Variants in VPS13B observed in about 807,000 individuals in gnomAD.
VPS13B encodes the protein vacuolar protein sorting 13 homolog B.
Under a neutral mutation model 426.4 loss-of-function variants are expected in VPS13B, and 285 were observed. The ratio of observed to expected loss-of-function variants is 0.67; its 90% CI spans 0.61 to 0.74. The LOEUF (loss-of-function observed/expected upper bound fraction) is 0.74, where lower values mean the gene tolerates loss of function less well. VPS13B is among the 30% of genes least tolerant of loss of function. The pLI is 0.00. For missense variants in VPS13B, 4,537 were observed against 4,782.6 expected, an observed-to-expected ratio of 0.95 and a Z score of 1.51; for synonymous variants, 1,676 against 1,676.4, an observed-to-expected ratio of 1.00 and a Z score of 0.01.
intron 3 of VPS13B, among the ~76,000 whole-genome samples, chr8:99,059,518 T>A (rs1021472949): frequency 1.8e-4 from 28 of 152,090 alleles, no homozygotes; most frequent in Admixed American, 1.8e-3. Flanking sequence ...TGATACAGTC[T>A]GCCCTCTGTA....
intron 23 of VPS13B, among the ~76,000 whole-genome samples, chr8:99,458,370 A>G (rs900934736): frequency 1.4e-5 from 2 of 138,816 alleles, no homozygotes; most frequent in African/African-American, 2.9e-5. Flanking sequence ...TAGTGCCGCT[A>G]TAAACATACG....
At position 99,875,538 on chromosome 8, in the gene VPS13B, G is replaced by C; in HGVS notation, c.11866G>C (p.Val3956Leu). The change falls in exon 62 of 62, where the codon GTG (valine) becomes CTG (leucine). Residue 3956 changes from valine to leucine, a missense_variant. Val to Leu is a conservative substitution (Grantham distance 32). Coordinates refer to ENST00000357162, the MANE Select transcript of VPS13B (RefSeq NM_152564.5). The part of the protein sequence containing the change: ...CSSMQIPCPV[V>L]AAEPPPSTVK... The stretch of plus-strand genomic sequence containing the variant: ...TTCCATGCAAATACCATGCCCTGTG[G>C]TGGCTGCAGAACCTCCCCCCTCCAC... The C allele has an allele frequency of 6.2e-7, 1 of 1,614,056 alleles. No individual in the cohort carries two copies. The highest frequency in any genetic ancestry group is 8.5e-7 in the Non-Finnish European group (1 of 1,179,952).
rs373788214 is a variant in VPS13B, at chr8:99,051,100, G to A, written c.291+12534G>A. On this transcript the variant is annotated intron_variant, in intron 3 of 61. Coordinates refer to ENST00000357162, the MANE Select transcript of VPS13B (RefSeq NM_152564.5). ...TTTTGGTGTTTTAGACATGAAGTCCGTGCCCATGCCTATGTCCTGAATGGT... is the reference window on the plus strand; with the variant it reads ...TTTTGGTGTTTTAGACATGAAGTCCATGCCCATGCCTATGTCCTGAATGGT... Among the ~76,000 whole-genome samples the A allele has an allele frequency of 5.7e-3, 870 of 152,082 alleles. 8 individuals carry two copies. The highest frequency in any genetic ancestry group is 0.019 in the African/African-American group (794 of 41,468).
chr8:99,584,604 A>G (rs1826219818), intron 33 of VPS13B, among the ~76,000 whole-genome samples: 1 of 152,190 alleles, frequency 6.6e-6, no homozygotes. Flanking sequence ...TAAAGCATAG[A>G]CAAATGGAAT....
Position 99,384,276 on chromosome 8 carries a change from A to T in VPS13B, c.2893A>T (p.Ile965Phe). 1 of 1,614,026 alleles carries T rather than the reference A, an allele frequency of 6.2e-7. No homozygotes were observed. Among genetic ancestry groups the T allele is most frequent in the Non-Finnish European group, 8.5e-7 (1 of 1,179,952 alleles). Reference sequence around the variant, plus strand: ...TGACCCAATCTTATATACGTGGCTCATCTATCAGCCTCAGAAACGAACAAG... The same window carrying T: ...TGACCCAATCTTATATACGTGGCTCTTCTATCAGCCTCAGAAACGAACAAG... ...NIDPILYTWL[I>F]YQPQKRTSRH... Residue 965 changes from isoleucine to phenylalanine, a missense_variant, in exon 20 of 62, where the codon ATC becomes TTC. Transcript: ENST00000357162.
intron 19 of VPS13B, among the ~76,000 whole-genome samples, chr8:99,358,140 G>A (rs1353635837): frequency 6.6e-6 from 1 of 152,116 alleles, no homozygotes; most frequent in Non-Finnish European, 1.5e-5. Context: ...CATCCCTCAT[G>A]TCTGTCTGAC....
At chr8:99,435,943 G>A (rs1350665660) in intron 22 of VPS13B, among the ~76,000 whole-genome samples, 1 of 152,154 alleles carries the variant, frequency 6.6e-6, no homozygotes, top group Non-Finnish European at 1.5e-5. Flanking sequence ...TATAATTTTA[G>A]GAGTTATCTG....
At chr8:99,328,189 A>G (rs1810380113) in intron 19 of VPS13B, among the ~76,000 whole-genome samples, 1 of 152,278 alleles carries the variant, frequency 6.6e-6, no homozygotes, top group South Asian at 2.1e-4. Context: ...CACGCTCCTC[A>G]TGAGAATCTA....
chr8:99,713,533 C>T (rs897205927), intron 36 of VPS13B, among the ~76,000 whole-genome samples: 16 of 152,114 alleles, frequency 1.1e-4, no homozygotes, highest in African/African-American at 3.6e-4. Flanking sequence ...TGGATTTGAA[C>T]CTGAGGTATC....
At chr8:99,568,393 C>A (rs151137221) in intron 31 of VPS13B, among the ~76,000 whole-genome samples, 1 of 151,514 alleles carries the variant, frequency 6.6e-6, no homozygotes, top group Admixed American at 6.6e-5. Flanking sequence ...CGGGTTCAAG[C>A]GATTCTCTTG....
intron 19 of VPS13B, among the ~76,000 whole-genome samples, chr8:99,343,615 T>C (rs1811370486): frequency 6.6e-6 from 1 of 152,192 alleles, no homozygotes; most frequent in Admixed American, 6.5e-5. Flanking sequence ...AAAATCAACG[T>C]ACAAAATTAG....
chr8:99,284,511 T>C (rs1323188646), intron 19 of VPS13B, among the ~76,000 whole-genome samples: 15 of 152,196 alleles, frequency 9.9e-5, no homozygotes, highest in Non-Finnish European at 1.5e-5. Flanking sequence ...TCATCCATTA[T>C]AAATTATGTT....
chr8:99,848,774 A>G lies in VPS13B; in HGVS notation c.9943-2A>G, dbSNP rs1816111137. ...ATCAGATTTTGAATATTCTTTCTGC[A>G]GGTTGTGTTCCTGACTGGCTTTGGC... is the stretch of plus-strand genomic sequence containing the variant. On this transcript the variant is annotated splice_acceptor_variant, in intron 54 of 61. Coordinates refer to ENST00000357162, the MANE Select transcript of VPS13B (RefSeq NM_152564.5). LOFTEE classifies it high-confidence loss of function. 6.2e-7 allele frequency: 1 copy of G among 1,613,660 alleles called. No homozygotes were observed. Among genetic ancestry groups the G allele is most frequent in the Non-Finnish European group, 8.5e-7 (1 of 1,179,588 alleles).
chr8:99,662,614 T>G (rs1830281395), intron 35 of VPS13B, among the ~76,000 whole-genome samples: 2 of 151,786 alleles, frequency 1.3e-5, no homozygotes, highest in Non-Finnish European at 2.9e-5. Flanking sequence ...GCCCAACTAG[T>G]TTTTTTTATT....
At chr8:99,225,446 T>C (rs1442211091) in intron 17 of VPS13B, among the ~76,000 whole-genome samples, 1 of 151,994 alleles carries the variant, frequency 6.6e-6, no homozygotes, top group Non-Finnish European at 1.5e-5. Context: ...CCGGCTAATG[T>C]TTTGTACTTT....
chr8:99,388,515 A>G (rs1248530172), intron 20 of VPS13B, among the ~76,000 whole-genome samples: 1 of 152,158 alleles, frequency 6.6e-6, no homozygotes, highest in African/African-American at 2.4e-5. Context: ...TAAAGATAGA[A>G]CAGATCTGAG....
At chr8:99,619,218 T>G (rs1223730314) in intron 33 of VPS13B, among the ~76,000 whole-genome samples, 1 of 152,154 alleles carries the variant, frequency 6.6e-6, no homozygotes, top group African/African-American at 2.4e-5. Context: ...CTGAATGGCT[T>G]AGGCTTGAGT....
intron 17 of VPS13B, among the ~76,000 whole-genome samples, chr8:99,227,808 G>A (rs2132847304): frequency 6.6e-6 from 1 of 152,268 alleles, no homozygotes; most frequent in South Asian, 2.1e-4. Flanking sequence ...GTTGGTGGTA[G>A]TGTTATACAG....
At chr8:99,569,065 G>A (rs549748154) in intron 31 of VPS13B, among the ~76,000 whole-genome samples, 220 of 150,864 alleles carry the variant, frequency 1.5e-3, no homozygotes, top group Middle Eastern at 6.8e-3. Context: ...CTCGTGATCC[G>A]CCTGCCTCGG....
Sources: allele counts gnomAD v4.1 joint callset (sites outside exome capture counted in the v4.1 genomes callset), GRCh38; gene constraint gnomAD v4.1.1; transcripts MANE v1.5; gene names NCBI Gene and HGNC (gene_info 2026-07-23, HGNC 2026-07-21).